The following ELP4 variants were observed in gnomAD, a reference collection of about 807,000 sequenced individuals.
ELP4 encodes the protein elongator acetyltransferase complex subunit 4.
In ELP4, 51 loss-of-function variants were observed where a neutral mutation model predicts 48.9. That is an observed-to-expected ratio of 1.04 (90% CI 0.83 to 1.32). ELP4 has a LOEUF of 1.32. Among genes scored for constraint, ELP4 ranks in the 40% most tolerant of loss-of-function variants. ELP4 has a pLI of 0.00. For synonymous variants in ELP4, 210 were observed against 189.2 expected (o/e 1.11, Z -0.90); for missense variants, 519 against 514.6 (o/e 1.01, Z -0.08).
At chr11:31,673,573 C>T (rs906106759) in intron 9 of ELP4, among the ~76,000 whole-genome samples, 1 of 152,054 alleles carries the variant, frequency 6.6e-6, no homozygotes, top group African/African-American at 2.4e-5. Context: ...AAGCAATCCT[C>T]CTCCCTCAGC....
At chr11:31,616,062 A>T (rs1229666231) in intron 5 of ELP4, among the ~76,000 whole-genome samples, 5 of 152,138 alleles carry the variant, frequency 3.3e-5, no homozygotes, top group Non-Finnish European at 7.4e-5. Flanking sequence ...AATAGAAACA[A>T]CAGATTTAGT....
rs35644855 is a variant in ELP4 at position 31,790,260 on chromosome 11, GAA to G, written c.*6745_*6746del. ...CCCCCCACCCCAATCCAAAGGAAAA[GAA>G]AAAAAAAATCCTCTGTTTGTTTGCA... On this transcript the variant is annotated 3_prime_UTR_variant, in exon 10 of 10. Coordinates refer to ENST00000640961, the MANE Select transcript of ELP4 (RefSeq NM_019040.5). 1.3e-4 allele frequency: 63 copies of G among 484,418 alleles called. No homozygotes were observed. Among genetic ancestry groups the G allele is most frequent in the South Asian group, 6.8e-4 (21 of 30,976 alleles). The allele number at this position is 484,418 out of a possible 1,614,324, so 30.0% of individuals were successfully genotyped here. A position where few individuals can be genotyped will look rare whatever the true frequency, so the allele number is the denominator to read the frequency against.
At chr11:31,756,860 T>C (rs1184289996) in intron 9 of ELP4, among the ~76,000 whole-genome samples, 1 of 152,220 alleles carries the variant, frequency 6.6e-6, no homozygotes, top group African/African-American at 2.4e-5. Context: ...AAATATCCAT[T>C]AACTGAAAGA....
chr11:31,510,099 G>A, intron 1 of ELP4, 92 bp downstream of exon 1: 1 of 1,208,150 alleles, frequency 8.3e-7, no homozygotes, highest in Non-Finnish European at 1.2e-6. Flanking sequence ...ATCTCTTTCT[G>A]ACCCCTAAAC....
chr11:31,544,579 G>C (rs1442529447), intron 3 of ELP4, among the ~76,000 whole-genome samples: 1 of 152,226 alleles, frequency 6.6e-6, no homozygotes, highest in African/African-American at 2.4e-5. Flanking sequence ...GCAGGGCACA[G>C]ACAAACAAAA....
chr11:31,753,710 A>T lies in ELP4; in HGVS notation c.1144-29683A>T, dbSNP rs369013959. Among the ~76,000 whole-genome samples, 17 of 152,340 alleles carry T rather than the reference A, an allele frequency of 1.1e-4. No individual in the cohort carries two copies. In the East Asian group the frequency reaches 2.7e-3, roughly 24 times the overall value. ...ATGTTGAATATAGCATTTTTTGTGAAACAGAAAAATATGAGATAAGTTACA... is the reference window on the plus strand; with the variant it reads ...ATGTTGAATATAGCATTTTTTGTGATACAGAAAAATATGAGATAAGTTACA... On this transcript the variant is annotated intron_variant, in intron 9 of 9. Coordinates refer to ENST00000640961, the MANE Select transcript of ELP4 (RefSeq NM_019040.5).
chr11:31,683,275 G>C (rs1946092791), intron 9 of ELP4, among the ~76,000 whole-genome samples: 2 of 152,178 alleles, frequency 1.3e-5, no homozygotes, highest in South Asian at 4.1e-4. Context: ...CTTTTATGGT[G>C]TCTTGTGTAA....
At chr11:31,562,011 A>C (rs1393629167) in intron 3 of ELP4, among the ~76,000 whole-genome samples, 1 of 152,170 alleles carries the variant, frequency 6.6e-6, no homozygotes, top group East Asian at 1.9e-4. Flanking sequence ...GGCAGTGTTG[A>C]AAGCATGTGG....
chr11:31,634,315 A>T (rs1007925607), intron 7 of ELP4: 19 of 152,224 alleles, frequency 1.2e-4, no homozygotes, highest in African/African-American at 4.3e-4. Flanking sequence ...ATAAAAGATT[A>T]AACAAAAAGT....
chr11:31,614,193 T>C (rs1240712318), intron 5 of ELP4, among the ~76,000 whole-genome samples: 1 of 152,206 alleles, frequency 6.6e-6, no homozygotes, highest in Non-Finnish European at 1.5e-5. Context: ...AATGAATGTC[T>C]TAAATTCTTG....
At chr11:31,534,825 C>CT (rs1956472533) in intron 2 of ELP4, among the ~76,000 whole-genome samples, 1 of 152,160 alleles carries the variant, frequency 6.6e-6, no homozygotes, top group Non-Finnish European at 1.5e-5. Context: ...TCTAAACTGA[C>CT]TTAATAGTAA....
intron 9 of ELP4, among the ~76,000 whole-genome samples, chr11:31,703,058 G>A (rs1372935435): frequency 6.6e-6 from 1 of 152,074 alleles, no homozygotes; most frequent in Non-Finnish European, 1.5e-5. Context: ...TGTCCTTTGG[G>A]GGCTGCATGT....
At chr11:31,523,650 A>G (rs962723542) in intron 2 of ELP4, among the ~76,000 whole-genome samples, 1 of 152,180 alleles carries the variant, frequency 6.6e-6, no homozygotes, top group Non-Finnish European at 1.5e-5. Context: ...TCTCTGAGGA[A>G]TAAATTGAAG....
chr11:31,686,583 T>C (rs1001718309), intron 9 of ELP4, among the ~76,000 whole-genome samples: 33 of 152,132 alleles, frequency 2.2e-4, no homozygotes, highest in South Asian at 4.1e-4. Context: ...ATTTGTGTTT[T>C]AGAAGTATCA....
intron 3 of ELP4, among the ~76,000 whole-genome samples, chr11:31,542,103 T>G (rs1472036540): frequency 6.6e-6 from 1 of 152,016 alleles, no homozygotes; most frequent in Non-Finnish European, 1.5e-5. Flanking sequence ...CAGCACAGGG[T>G]ATAGGAAACA....
chr11:31,515,877 G>A (rs1017039715), intron 1 of ELP4, among the ~76,000 whole-genome samples: 4 of 152,188 alleles, frequency 2.6e-5, no homozygotes, highest in African/African-American at 7.2e-5. Context: ...TTGGGAGGCC[G>A]AGGCGGGCGG....
chr11:31,718,994 C>T (rs982448803), intron 9 of ELP4, among the ~76,000 whole-genome samples: 2 of 152,052 alleles, frequency 1.3e-5, no homozygotes, highest in African/African-American at 2.4e-5. Context: ...CACAGTGGCT[C>T]ACACCTGTAA....
chr11:31,686,119 C>T (rs1000534717), intron 9 of ELP4, among the ~76,000 whole-genome samples: 40 of 151,838 alleles, frequency 2.6e-4, no homozygotes, highest in African/African-American at 9.7e-4. Flanking sequence ...AAATGAAAGC[C>T]AAACTCACCT....
intron 9 of ELP4, among the ~76,000 whole-genome samples, chr11:31,767,024 G>A (rs1005339221): frequency 1.3e-5 from 2 of 151,988 alleles, no homozygotes; most frequent in African/African-American, 4.8e-5. Flanking sequence ...GCTTTCTTTT[G>A]CTCTGAGTAT....
Sources: allele counts gnomAD v4.1 joint callset (sites outside exome capture counted in the v4.1 genomes callset), GRCh38; gene constraint gnomAD v4.1.1; transcripts MANE v1.5; gene names NCBI Gene and HGNC (gene_info 2026-07-23, HGNC 2026-07-21).